JAK1: variants seen among roughly 807,000 people sequenced by gnomAD.
JAK1 encodes the protein Janus kinase 1, also known as tyrosine-protein kinase JAK1.
Under a neutral mutation model 136.6 loss-of-function variants are expected in JAK1, and 16 were observed. The observed-to-expected ratio is 0.12, with a 90% CI of 0.08 to 0.18. The LOEUF (loss-of-function observed/expected upper bound fraction) is 0.18. Among genes scored for constraint, JAK1 ranks in the 10% least tolerant of loss-of-function variants. The pLI is 1.00. For synonymous variants in JAK1, 492 were observed against 519.5 expected (o/e 0.95, Z 0.72); for missense variants, 859 against 1,450.1 (o/e 0.59, Z 6.62).
At chr1:64,942,231 T>A (rs1347523042) in intron 1 of JAK1, 5 of 152,162 alleles carry the variant, frequency 3.3e-5, no homozygotes, top group Non-Finnish European at 7.3e-5. Flanking sequence ...ATATACTTCG[T>A]GTGGGAATTT....
intron 2 of JAK1, among the ~76,000 whole-genome samples, chr1:65,001,444 C>G (rs1346808947): frequency 6.6e-6 from 1 of 152,152 alleles, no homozygotes; most frequent in Non-Finnish European, 1.5e-5. Flanking sequence ...CTCGCCTTCC[C>G]GGAGGTCCCC....
Position 64,984,656 on chromosome 1 carries a change from T to C in JAK1, c.-78+59824A>G. On this transcript the variant is annotated intron_variant, in intron 2 of 25. Transcript: ENST00000671954. The surrounding 1 kb of genome is among the most constrained non-coding windows in gnomAD (Gnocchi z 4.1). ...GCAGGCTGGATACTGTTCATCTCCA[T>C]GACACAGTCCTTCCAGATCTATTTG... 9.1e-6 allele frequency: 5 copies of C among 550,610 alleles called. No individual in the cohort carries two copies. Among genetic ancestry groups the C allele is most frequent in the Non-Finnish European group, 1.4e-5 (4 of 294,932 alleles). The allele number at this position is 550,610 out of a possible 1,614,324, so 34.1% of individuals were successfully genotyped here.
chr1:64,970,151 A>AAAAAAAAAAAAAC (rs1256701898), upstream of JAK1, among the ~76,000 whole-genome samples: 6 of 148,134 alleles, frequency 4.1e-5, 1 homozygote, highest in African/African-American at 1.5e-4. Context: ...AAAAAAAAAA[A>AAAAAAAAAAAAAC]AAAACGGCCG....
chr1:65,008,825 G>T (rs773796161), intron 2 of JAK1, among the ~76,000 whole-genome samples: 1 of 151,960 alleles, frequency 6.6e-6, no homozygotes, highest in Non-Finnish European at 1.5e-5. Flanking sequence ...AGTAGCTGGG[G>T]CTACAGGTGC....
At chr1:64,989,179 G>C (rs1314098864) in intron 2 of JAK1, among the ~76,000 whole-genome samples, 1 of 149,564 alleles carries the variant, frequency 6.7e-6, no homozygotes, top group Non-Finnish European at 1.5e-5. Flanking sequence ...ACAAAAATTT[G>C]CTGGGTGTGG....
At chr1:64,913,951 G>C (rs1194043826) in intron 1 of JAK1, among the ~76,000 whole-genome samples, 2 of 152,200 alleles carry the variant, frequency 1.3e-5, no homozygotes, top group Non-Finnish European at 2.9e-5. Context: ...AGTGCACATT[G>C]GTGCACTGGA....
chr1:64,837,343 T>C lies in JAK1; in HGVS notation c.3140+589A>G, dbSNP rs12060219. Among the ~76,000 whole-genome samples, 708 of 152,216 alleles carry C rather than the reference T, an allele frequency of 4.7e-3. 4 individuals carry two copies. Among genetic ancestry groups the C allele is most frequent in the African/African-American group, 0.016 (677 of 41,538 alleles). On this transcript the variant is annotated intron_variant, in intron 22 of 24. Coordinates refer to ENST00000342505, the MANE Select transcript of JAK1 (RefSeq NM_002227.4). The stretch of plus-strand genomic sequence containing the variant: ...TAGGATGCACCTAGGGGAGTGCTGA[T>C]TGGTTATGTCGTTATGTGGTTACGT...
chr1:64,850,137 T>C (rs1211408931), intron 12 of JAK1, among the ~76,000 whole-genome samples: 3 of 152,044 alleles, frequency 2.0e-5, no homozygotes. Context: ...CCGCACCATC[T>C]CCCTGATACC....
intron 2 of JAK1, among the ~76,000 whole-genome samples, chr1:64,988,168 C>G (rs981564245): frequency 6.6e-6 from 1 of 152,140 alleles, no homozygotes; most frequent in Non-Finnish European, 1.5e-5. Flanking sequence ...TGGAAACTGG[C>G]AAACACTAAA....
chr1:65,001,545 T>C (rs764804299), intron 2 of JAK1, among the ~76,000 whole-genome samples: 1 of 151,994 alleles, frequency 6.6e-6, no homozygotes, highest in Non-Finnish European at 1.5e-5. Flanking sequence ...GGTGCATGTG[T>C]GCGTGTGTGT....
chr1:64,883,232 G>C, intron 3 of JAK1, 45 bp downstream of exon 3: 6 of 1,501,758 alleles, frequency 4.0e-6, no homozygotes, highest in Non-Finnish European at 5.5e-6. Context: ...TTCTGAACTA[G>C]TGTGTTGGTG....
chr1:64,889,592 C>CT (rs1253358955), intron 1 of JAK1, among the ~76,000 whole-genome samples: 3 of 152,142 alleles, frequency 2.0e-5, no homozygotes, highest in African/African-American at 2.4e-5. Context: ...ATATCTGACA[C>CT]TTTCTCAACA....
At chr1:65,043,700 ATTTTTTTTTTTTT>A (rs112982943) in intron 2 of JAK1, among the ~76,000 whole-genome samples, 1 of 101,248 alleles carries the variant, frequency 9.9e-6, no homozygotes, top group African/African-American at 3.5e-5. Context: ...CACCTGGCTA[ATTTTTTTTTTTTT>A]TTTTTTTTTT....
intron 2 of JAK1, among the ~76,000 whole-genome samples, chr1:65,011,749 T>C (rs1646851027): frequency 6.6e-6 from 1 of 152,190 alleles, no homozygotes; most frequent in Non-Finnish European, 1.5e-5. Context: ...TCTGAACCTC[T>C]TCCTGTTCTA....
At chr1:64,838,195 T>G (rs1166208749) in intron 21 of JAK1, 91 bp from the exon 22 acceptor site, 1 of 1,292,428 alleles carries the variant, frequency 7.7e-7, no homozygotes, top group Non-Finnish European at 1.1e-6. Flanking sequence ...GAAATGTCAT[T>G]TCATTCACAT....
chr1:65,007,427 C>T (rs1646812403), intron 2 of JAK1, among the ~76,000 whole-genome samples: 1 of 152,074 alleles, frequency 6.6e-6, no homozygotes, highest in Non-Finnish European at 1.5e-5. Context: ...CTGACCCCTA[C>T]TCTTATTTCT....
chr1:64,978,694 T>C (rs982777488), intron 2 of JAK1, among the ~76,000 whole-genome samples: 1 of 152,200 alleles, frequency 6.6e-6, no homozygotes, highest in African/African-American at 2.4e-5. Context: ...TTACTAGCCG[T>C]AATAACAAGG....
At chr1:65,021,216 C>T (rs1172927525) in intron 2 of JAK1, among the ~76,000 whole-genome samples, 9 of 152,068 alleles carry the variant, frequency 5.9e-5, no homozygotes, top group Non-Finnish European at 1.0e-4. Flanking sequence ...TTCACATGTC[C>T]GTCTGAATCT....
intron 1 of JAK1, among the ~76,000 whole-genome samples, chr1:64,925,416 C>T (rs1244811068): frequency 6.6e-6 from 1 of 151,780 alleles, no homozygotes; most frequent in African/African-American, 2.4e-5. Flanking sequence ...AATTTTTGCT[C>T]TAAACCTAAA....
Sources: gnomAD v4.1 joint callset for allele counts (sites outside exome capture counted in the v4.1 genomes callset) on GRCh38, gnomAD v4.1.1 for gene constraint, Gnocchi (gnomAD v3.1) non-coding constraint, MANE v1.5 for transcripts, NCBI Gene and HGNC (gene_info 2026-07-23, HGNC 2026-07-21) for gene names.